The following ARHGEF26 variants were observed in gnomAD, a reference collection of about 807,000 sequenced individuals.
The protein encoded by ARHGEF26 is Rho guanine nucleotide exchange factor 26, also known as Rho guanine nucleotide exchange factor (GEF) 26.
Under a neutral mutation model 89.4 loss-of-function variants are expected in ARHGEF26, and 59 were observed. That is an observed-to-expected ratio of 0.66 (90% CI 0.54 to 0.82). ARHGEF26 has a LOEUF of 0.82. Among genes scored for constraint, ARHGEF26 ranks in the 40% least tolerant of loss-of-function variants. The pLI, the probability that ARHGEF26 is intolerant of heterozygous loss-of-function variation, is 0.00. For missense variants in ARHGEF26, 1,234 were observed against 1,085.6 expected (o/e 1.14, Z -1.92); for synonymous variants, 500 against 428.4 (o/e 1.17, Z -2.06).
At chr3:154,204,562 T>C (rs1256990043) in intron 9 of ARHGEF26, among the ~76,000 whole-genome samples, 2 of 151,984 alleles carry the variant, frequency 1.3e-5, no homozygotes, top group Non-Finnish European at 2.9e-5. Context: ...TCTCCTGGTC[T>C]CCAGTGATCC....
intron 9 of ARHGEF26, among the ~76,000 whole-genome samples, chr3:154,201,966 C>G (rs2108212148): frequency 6.6e-6 from 1 of 151,910 alleles, no homozygotes; most frequent in Non-Finnish European, 1.5e-5. Flanking sequence ...CCTGTTCACT[C>G]TGATGGTAGT....
chr3:154,137,885 T>G (rs1301039100), intron 4 of ARHGEF26, among the ~76,000 whole-genome samples: 1 of 151,822 alleles, frequency 6.6e-6, no homozygotes, highest in Non-Finnish European at 1.5e-5. Context: ...GCTCTTTTGG[T>G]CATTTGTGCA....
chr3:154,122,385 C>G lies in ARHGEF26; in HGVS notation c.393C>G (p.Gly131=). 6.2e-7 allele frequency: 1 copy of G among 1,611,826 alleles called. No individual in the cohort carries two copies. Among genetic ancestry groups the G allele is most frequent in the South Asian group, 1.1e-5 (1 of 91,036 alleles). ...PGGSPKSPAN[G]AVTLPAPPPP... ...GCTCCCCGAAATCCCCAGCAAATGGCGCGGTGACCTTGCCTGCGCCGCCGC... is the reference window on the plus strand; with the variant it reads ...GCTCCCCGAAATCCCCAGCAAATGGGGCGGTGACCTTGCCTGCGCCGCCGC... Residue 131 remains glycine, a synonymous_variant, in exon 2 of 15, where the codon GGC becomes GGG. Transcript: ENST00000465093.
intron 12 of ARHGEF26, among the ~76,000 whole-genome samples, chr3:154,241,559 C>A (rs2108285184): frequency 6.6e-6 from 1 of 152,334 alleles, no homozygotes; most frequent in African/African-American, 2.4e-5. Context: ...AGGACACTTG[C>A]TAAAGCGCAG....
At chr3:154,171,642 T>A (rs1423940267) in intron 6 of ARHGEF26, among the ~76,000 whole-genome samples, 1 of 152,158 alleles carries the variant, frequency 6.6e-6, no homozygotes, top group Non-Finnish European at 1.5e-5. Context: ...CCACATAGTC[T>A]TTTGAGATGG....
chr3:154,191,017 C>G (rs942849971), intron 7 of ARHGEF26, among the ~76,000 whole-genome samples: 1 of 152,176 alleles, frequency 6.6e-6, no homozygotes, highest in Admixed American at 6.5e-5. Flanking sequence ...TGCTTACCTT[C>G]CACTTGTATA....
At chr3:154,123,208 A>C (rs1236060237) in intron 2 of ARHGEF26, 133 bp downstream of exon 2, 11 of 1,342,624 alleles carry the variant, frequency 8.2e-6, no homozygotes, top group African/African-American at 2.9e-5. Flanking sequence ...CTTGATTGCT[A>C]GTGTACATCC....
intron 12 of ARHGEF26, among the ~76,000 whole-genome samples, chr3:154,244,041 TTA>T (rs1559924106): frequency 6.6e-6 from 1 of 152,196 alleles, no homozygotes; most frequent in Non-Finnish European, 1.5e-5. Context: ...TTTCTTTCTT[TTA>T]TGTCTTTTTG....
chr3:154,245,908 C>T (rs1055279751), intron 12 of ARHGEF26, among the ~76,000 whole-genome samples: 1 of 152,174 alleles, frequency 6.6e-6, no homozygotes, highest in African/African-American at 2.4e-5. Flanking sequence ...AGTGAAGAAC[C>T]GATCCCCTTG....
At chr3:154,200,248 A>T (rs535459424) in intron 9 of ARHGEF26, among the ~76,000 whole-genome samples, 17 of 152,228 alleles carry the variant, frequency 1.1e-4, no homozygotes, top group African/African-American at 3.9e-4. Context: ...ATGGTAAGAG[A>T]TAGGGGTATA....
At chr3:154,206,892 A>G (rs923491875) in intron 9 of ARHGEF26, among the ~76,000 whole-genome samples, 1 of 152,204 alleles carries the variant, frequency 6.6e-6, no homozygotes, top group Non-Finnish European at 1.5e-5. Context: ...CCAAAACAGC[A>G]TGGTACTGGT....
At position 154,129,661 on chromosome 3, in the gene ARHGEF26, ATG is replaced by A; in HGVS notation, c.1212_1213del (p.Asp404GlufsTer8). 1 of 1,612,340 alleles carries A rather than the reference ATG, an allele frequency of 6.2e-7. No homozygotes were observed. Among genetic ancestry groups the A allele is most frequent in the Non-Finnish European group, 8.5e-7 (1 of 1,179,152 alleles). On this transcript the variant is annotated frameshift_variant, in exon 4 of 15. Coordinates refer to ENST00000465093, the MANE Select transcript of ARHGEF26 (RefSeq NM_015595.4). LOFTEE classifies it high-confidence loss of function. ...TCAGAGCCCAAAGAACAGAAGTCAG[ATG>A]AAAAAATTGTGATTCACCATAAGCC...
At chr3:154,156,737 G>C (rs1195870695) in intron 6 of ARHGEF26, among the ~76,000 whole-genome samples, 1 of 152,196 alleles carries the variant, frequency 6.6e-6, no homozygotes, top group Admixed American at 6.5e-5. Flanking sequence ...TGACACCCAA[G>C]TGTTGGTAAC....
chr3:154,239,299 AGTGTGTGTGTGTGTGTGTGTGTGT>A (rs142191516), intron 11 of ARHGEF26, among the ~76,000 whole-genome samples: 1 of 64,256 alleles, frequency 1.6e-5, no homozygotes, highest in Non-Finnish European at 3.0e-5. Context: ...AGAGAGAGAG[AGTGTGTGTGTGTGTGTGTGTGTGT>A]GTGTGTGTGT....
intron 4 of ARHGEF26, among the ~76,000 whole-genome samples, chr3:154,142,219 C>T (rs1321317565): frequency 6.9e-6 from 1 of 145,092 alleles, no homozygotes; most frequent in Non-Finnish European, 1.5e-5. Context: ...AAAACTTTTT[C>T]TTTTTTTTTT....
chr3:154,153,316 A>C (rs533742288), intron 6 of ARHGEF26, among the ~76,000 whole-genome samples: 8 of 152,114 alleles, frequency 5.3e-5, no homozygotes, highest in Non-Finnish European at 1.2e-4. Flanking sequence ...TTAATAATAT[A>C]TATTTTCATT....
intron 6 of ARHGEF26, among the ~76,000 whole-genome samples, chr3:154,166,791 A>G (rs537767784): frequency 6.6e-6 from 1 of 152,304 alleles, no homozygotes; most frequent in East Asian, 1.9e-4. Context: ...GGGTCCGCCT[A>G]CAACCACTGA....
chr3:154,129,587 G>T lies in ARHGEF26; in HGVS notation c.1137G>T (p.Leu379=). The T allele has an allele frequency of 6.2e-7, 1 of 1,611,638 alleles. No homozygotes were observed. The change falls in exon 4 of 15, where the codon CTG becomes CTT. Residue 379 remains leucine (L), a synonymous_variant. Coordinates refer to ENST00000465093, the MANE Select transcript of ARHGEF26 (RefSeq NM_015595.4). ...GTFDGEENAV[L]YQNYKEKALD... Reference sequence around the variant, plus strand: ...GTTTTCTTGCAGAAAATGCTGTCCTGTATCAAAACTACAAGGAAAAGGCCC... The same window carrying T: ...GTTTTCTTGCAGAAAATGCTGTCCTTTATCAAAACTACAAGGAAAAGGCCC...
chr3:154,183,530 G>T (rs1032632684), intron 6 of ARHGEF26, among the ~76,000 whole-genome samples: 3 of 152,102 alleles, frequency 2.0e-5, no homozygotes, highest in African/African-American at 7.2e-5. Flanking sequence ...TGATTCACCG[G>T]CATTCTTGGT....
Sources: allele counts gnomAD v4.1 joint callset (sites outside exome capture counted in the v4.1 genomes callset), GRCh38; gene constraint gnomAD v4.1.1; transcripts MANE v1.5; gene names NCBI Gene and HGNC (gene_info 2026-07-23, HGNC 2026-07-21).